Variants in MBOAT2 observed in about 807,000 individuals in gnomAD.
MBOAT2 encodes the protein membrane bound glycerophospholipid O-acyltransferase 2.
Under a neutral mutation model 63.4 loss-of-function variants are expected in MBOAT2, and 28 were observed. That is an observed-to-expected ratio of 0.44 (90% CI 0.33 to 0.61). The LOEUF is 0.61. MBOAT2 is among the 20% of genes least tolerant of loss of function. The pLI is 0.03. For synonymous variants in MBOAT2, 211 were observed against 215.6 expected, an observed-to-expected ratio of 0.98 and a Z score of 0.19; for missense variants, 470 against 605.8, an observed-to-expected ratio of 0.78 and a Z score of 2.35.
chr2:8,890,130 C>T (rs1445586849), intron 4 of MBOAT2, among the ~76,000 whole-genome samples: 2 of 152,154 alleles, frequency 1.3e-5, no homozygotes, highest in Non-Finnish European at 2.9e-5. Flanking sequence ...AATACTCCAG[C>T]CTCTCTCCAA....
At chr2:8,876,383 A>T (rs1662700936) in intron 7 of MBOAT2, among the ~76,000 whole-genome samples, 2 of 152,240 alleles carry the variant, frequency 1.3e-5, no homozygotes, top group Admixed American at 1.3e-4. Context: ...TCTACCTTGT[A>T]TGAATGCTGT....
chr2:8,878,776 T>G (rs984527392), intron 6 of MBOAT2, among the ~76,000 whole-genome samples: 4 of 152,240 alleles, frequency 2.6e-5, no homozygotes, highest in Non-Finnish European at 1.5e-5. Flanking sequence ...TTTCCACTTT[T>G]AAAAATGTCT....
intron 1 of MBOAT2, among the ~76,000 whole-genome samples, chr2:8,971,403 C>T (rs1200393316): frequency 6.6e-6 from 1 of 152,178 alleles, no homozygotes; most frequent in Non-Finnish European, 1.5e-5. Flanking sequence ...AACCCACAGC[C>T]AATTTCATAC....
At chr2:8,958,414 T>G in intron 2 of MBOAT2, 83 bp downstream of exon 2, 1 of 1,306,306 alleles carries the variant, frequency 7.7e-7, no homozygotes, top group Non-Finnish European at 1.0e-6. Context: ...AACAAAACCC[T>G]ACATAATGTA....
At chr2:8,890,053 T>C (rs978601509) in intron 4 of MBOAT2, among the ~76,000 whole-genome samples, 12 of 152,264 alleles carry the variant, frequency 7.9e-5, no homozygotes, top group Admixed American at 7.2e-4. Context: ...AGGTGACATG[T>C]AGCTGTATTG....
At chr2:8,949,981 T>C (rs189999038) in intron 2 of MBOAT2, among the ~76,000 whole-genome samples, 2 of 152,350 alleles carry the variant, frequency 1.3e-5, no homozygotes, top group East Asian at 3.9e-4. Flanking sequence ...TGTTGTGTCA[T>C]CTATGATTTC....
chr2:8,864,395 T>TCC (rs1280394542), intron 9 of MBOAT2, among the ~76,000 whole-genome samples, 161 bp from the exon 10 acceptor site: 116 of 152,312 alleles, frequency 7.6e-4, no homozygotes, highest in African/African-American at 2.7e-3. Context: ...TGTGGTAACA[T>TCC]CATTCTACGT....
Position 8,862,143 on chromosome 2 carries a change from T to C in MBOAT2, c.1185+447A>G, listed in dbSNP as rs552926277. 2.6e-4 allele frequency: 91 copies of C among 351,190 alleles called. No homozygotes were observed. The highest frequency in any genetic ancestry group is 1.9e-3 in the African/African-American group (87 of 45,898). The allele number at this position is 351,190 out of a possible 1,614,324, so 21.8% of individuals were successfully genotyped here. ...TTACTCTATGTTCTGTCTAGGCAAA[T>C]ACTCTAAAGAACTGTGTCCTCTTCC... is the stretch of plus-strand genomic sequence containing the variant. On this transcript the variant is annotated intron_variant, in intron 11 of 12. Coordinates refer to ENST00000305997, the MANE Select transcript of MBOAT2 (RefSeq NM_138799.4). This position sits in a 1 kb window ranked among gnomAD's most constrained non-coding sequence, Gnocchi z 4.3.
chr2:8,931,348 G>C (rs1263772581), intron 3 of MBOAT2, among the ~76,000 whole-genome samples: 4 of 152,054 alleles, frequency 2.6e-5, no homozygotes, highest in Admixed American at 1.3e-4. Context: ...TGTCAGTACA[G>C]GAAGCATGGT....
chr2:8,979,948 C>T (rs540300771), intron 1 of MBOAT2, among the ~76,000 whole-genome samples: 3 of 152,034 alleles, frequency 2.0e-5, no homozygotes, highest in Non-Finnish European at 4.4e-5. Flanking sequence ...TCTGTGCATC[C>T]CAGACTATGG....
chr2:8,980,806 A>G (rs925740563), intron 1 of MBOAT2, among the ~76,000 whole-genome samples: 3 of 152,156 alleles, frequency 2.0e-5, no homozygotes, highest in Non-Finnish European at 4.4e-5. Context: ...AGTTCCTCAA[A>G]ATGTGAGACA....
intron 3 of MBOAT2, among the ~76,000 whole-genome samples, chr2:8,911,445 T>C (rs533002566): frequency 6.6e-6 from 1 of 152,318 alleles, no homozygotes; most frequent in African/African-American, 2.4e-5. Context: ...TCTAACTCTT[T>C]ACATCAAGAG....
chr2:8,956,589 A>G (rs1327444124), intron 2 of MBOAT2, among the ~76,000 whole-genome samples: 1 of 152,116 alleles, frequency 6.6e-6, no homozygotes, highest in African/African-American at 2.4e-5. Context: ...GCTGCCCAGG[A>G]GGCTGAGGTG....
intron 7 of MBOAT2, among the ~76,000 whole-genome samples, chr2:8,876,389 G>T (rs1041674822): frequency 1.3e-5 from 2 of 152,214 alleles, no homozygotes; most frequent in Admixed American, 1.3e-4. Flanking sequence ...TTGTATGAAT[G>T]CTGTGAAGGC....
intron 12 of MBOAT2, among the ~76,000 whole-genome samples, chr2:8,860,190 C>CA (rs201924179): frequency 5.9e-4 from 83 of 141,712 alleles, no homozygotes; most frequent in Admixed American, 1.1e-3. Context: ...GATTCCGTCT[C>CA]AAAAAAAAAA....
chr2:8,981,943 T>C (rs1329384982), intron 1 of MBOAT2, among the ~76,000 whole-genome samples: 2 of 152,024 alleles, frequency 1.3e-5, no homozygotes, highest in Non-Finnish European at 2.9e-5. Flanking sequence ...CACACAAAAC[T>C]CAATGGTTAA....
chr2:8,983,367 T>C (rs1314004113), intron 1 of MBOAT2, among the ~76,000 whole-genome samples: 2 of 152,150 alleles, frequency 1.3e-5, no homozygotes, highest in African/African-American at 2.4e-5. Flanking sequence ...AAACAGATAA[T>C]TTAAACAGCC....
In MBOAT2 at chr2:8,855,577, T is replaced by C. The variant is rs572737168; in HGVS notation, c.*3102A>G. On this transcript the variant is annotated 3_prime_UTR_variant, in exon 13 of 13. Transcript: ENST00000305997. ...TAAGAGAAGTGGTCACCAGACATTT[T>C]TGAAGCCAAATAAATCTTCTCTATC... 3 of 152,348 alleles carry C rather than the reference T, an allele frequency of 2.0e-5. No homozygotes were observed. In the South Asian group the frequency reaches 6.2e-4, roughly 32 times the overall value. The allele number at this position is 152,348 out of a possible 1,614,324, so 9.4% of individuals were successfully genotyped here. A position where few individuals can be genotyped will look rare whatever the true frequency, so the allele number is the denominator to read the frequency against.
chr2:8,902,821 A>C (rs1479808471), intron 4 of MBOAT2, among the ~76,000 whole-genome samples: 1 of 152,210 alleles, frequency 6.6e-6, no homozygotes, highest in East Asian at 1.9e-4. Context: ...TATTGTGAAG[A>C]GCAAAAGAAC....
Sources: allele counts gnomAD v4.1 joint callset (sites outside exome capture counted in the v4.1 genomes callset), GRCh38; gene constraint gnomAD v4.1.1; non-coding constraint Gnocchi (gnomAD v3.1); transcripts MANE v1.5; gene names NCBI Gene and HGNC (gene_info 2026-07-23, HGNC 2026-07-21).